The following OSGEP variants were observed in gnomAD, a reference collection of about 807,000 sequenced individuals.
The protein encoded by OSGEP is O-sialoglycoprotein endopeptidase, also known as tRNA N6-adenosine threonylcarbamoyltransferase.
In OSGEP, 39 loss-of-function variants were observed where a neutral mutation model predicts 44.1. The ratio of observed to expected loss-of-function variants is 0.88; its 90% CI spans 0.69 to 1.16. The LOEUF (loss-of-function observed/expected upper bound fraction) is 1.16, where lower values mean the gene tolerates loss of function less well. Ranked by LOEUF, OSGEP falls within the 50% of genes most tolerant of loss-of-function variation. The pLI is 0.00. For synonymous variants in OSGEP, 139 were observed against 161.9 expected, an observed-to-expected ratio of 0.86 and a Z score of 1.07; for missense variants, 403 against 443.1, an observed-to-expected ratio of 0.91 and a Z score of 0.81.
intron 1 of OSGEP, among the ~76,000 whole-genome samples, chr14:20,453,732 C>A (rs1429879980): frequency 6.6e-6 from 1 of 152,146 alleles, no homozygotes; most frequent in Non-Finnish European, 1.5e-5. Context: ...ATTTTAAAAA[C>A]AAAGACCAGG....
intron 3 of OSGEP, 80 bp downstream of exon 3, chr14:20,451,894 C>T: frequency 7.9e-7 from 1 of 1,262,146 alleles, no homozygotes; most frequent in Non-Finnish European, 1.1e-6. Flanking sequence ...CCTGACATTC[C>T]CATGACTCAG....
rs1880964889 is a variant in OSGEP at position 20,447,048 on chromosome 14, T to A, written c.*192A>T. On this transcript the variant is annotated 3_prime_UTR_variant, in exon 11 of 11. Coordinates refer to ENST00000206542, the MANE Select transcript of OSGEP (RefSeq NM_017807.4). ...ATTGGTCCTGAACAACACAATCCAA[T>A]CACCAACATACAAAACCAAAAAACC... 3.4e-6 allele frequency: 2 copies of A among 591,614 alleles called. No individual in the cohort carries two copies. The highest frequency in any genetic ancestry group is 5.5e-5 in the East Asian group (2 of 36,642). The allele number at this position is 591,614 out of a possible 1,614,324, so 36.6% of individuals were successfully genotyped here.
At chr14:20,451,890 A>C in intron 3 of OSGEP, 84 bp downstream of exon 3, 1 of 1,235,958 alleles carries the variant, frequency 8.1e-7, no homozygotes, top group Non-Finnish European at 1.1e-6. Flanking sequence ...TGTTCCTGAC[A>C]TTCCCATGAC....
chr14:20,448,823 T>C lies in OSGEP; in HGVS notation c.558-12A>G. The C allele has an allele frequency of 6.2e-7, 1 of 1,609,432 alleles. No homozygotes were observed. Among genetic ancestry groups the C allele is most frequent in the Non-Finnish European group, 8.5e-7 (1 of 1,175,770 alleles). On this transcript the variant is annotated splice_polypyrimidine_tract_variant and intron_variant, in intron 5 of 10. Coordinates refer to ENST00000206542, the MANE Select transcript of OSGEP (RefSeq NM_017807.4). ...CTAGCTTCTTGCCTCTATGTGGGAATAAGCGTACGAGGCACTAAGCCTACA... is the reference window on the plus strand; with the variant it reads ...CTAGCTTCTTGCCTCTATGTGGGAACAAGCGTACGAGGCACTAAGCCTACA...
chr14:20,448,065 C>T, intron 7 of OSGEP, 41 bp downstream of exon 7: 2 of 1,595,984 alleles, frequency 1.3e-6, no homozygotes, highest in Non-Finnish European at 1.7e-6. Context: ...AATATAAAAC[C>T]TTCAGCCCCA....
Position 20,454,725 on chromosome 14 carries a change from G to C in OSGEP, c.-42C>G, listed in dbSNP as rs777008061. ...AAACGCCGACAGGACTCCTGGCAAT[G>C]TCAGGAGCTGTGGAGGTCCTCACTA... is the stretch of plus-strand genomic sequence containing the variant. On this transcript the variant is annotated 5_prime_UTR_variant, in exon 1 of 11. Transcript: ENST00000206542. 1.4e-6 allele frequency: 2 copies of C among 1,464,448 alleles called. No individual in the cohort carries two copies. The highest frequency in any genetic ancestry group is 1.7e-5 in the Admixed American group (1 of 58,226). 90.7% of individuals were successfully genotyped at this position (1,464,448 alleles called of 1,614,324 possible).
At chr14:20,453,334 T>G (rs1476107284) in intron 1 of OSGEP, among the ~76,000 whole-genome samples, 1 of 151,742 alleles carries the variant, frequency 6.6e-6, no homozygotes, top group Non-Finnish European at 1.5e-5. Context: ...AATAGCTTAT[T>G]TAAAATATCA....
In OSGEP at chr14:20,447,678, A is replaced by G; in HGVS notation, c.806T>C (p.Leu269Pro). 2 of 1,613,638 alleles carry G rather than the reference A, an allele frequency of 1.2e-6. No individual in the cohort carries two copies. The highest frequency in any genetic ancestry group is 1.7e-6 in the Non-Finnish European group (2 of 1,179,528). ...GCACATTGTTGCCATCATCTCCTGT[A>G]GCCTCACATTACCTACAAAGAGGCA... ...IVGGVGCNVR[L>P]QEMMATMCQE... The change falls in exon 9 of 11, where the codon CTA becomes CCA. Residue 269 changes from leucine to proline, a missense_variant. Coordinates refer to ENST00000206542, the MANE Select transcript of OSGEP (RefSeq NM_017807.4).
chr14:20,449,082 G>A (rs1401794363), intron 4 of OSGEP, 69 bp from the exon 5 acceptor site: 2 of 1,510,678 alleles, frequency 1.3e-6, no homozygotes, highest in African/African-American at 2.7e-5. Context: ...GGAAGCATAA[G>A]AAGCTCATTT....
rs751884553 is a variant in OSGEP, at chr14:20,447,924, A to G, written c.773T>C (p.Leu258Pro). 6.2e-7 allele frequency: 1 copy of G among 1,611,424 alleles called. No individual in the cohort carries two copies. Among genetic ancestry groups the G allele is most frequent in the Non-Finnish European group, 8.5e-7 (1 of 1,177,442 alleles). Reference protein sequence around the residue: ...AMAHCGSQEALIVGGVGCNVR... With the variant: ...AMAHCGSQEAPIVGGVGCNVR... ...CATACACCCCACTCCTCCCACAATG[A>G]GGGCCTCCTGGGAGCCACAATGTGC... Residue 258 changes from leucine (L) to proline (P), a missense_variant, in exon 8 of 11, where the codon CTC (leucine) becomes CCC (proline). Coordinates refer to ENST00000206542, the MANE Select transcript of OSGEP (RefSeq NM_017807.4).
rs780944919 is a variant in OSGEP at position 20,452,407 on chromosome 14, T to A, written c.157A>T (p.Ile53Phe). 9.3e-6 allele frequency: 15 copies of A among 1,613,898 alleles called. No homozygotes were observed. In the South Asian group the frequency reaches 1.6e-4, roughly 18 times the overall value. Reference protein sequence around the residue: ...GDTARHHRAVILDLLQEALTE... With the variant: ...GDTARHHRAVFLDLLQEALTE... Reference sequence around the variant, plus strand: ...AGTGCCTCCTGCAGCAGGTCTAGGATAACAGCTCGGTGATGCCTGGCTGTA... The same window carrying A: ...AGTGCCTCCTGCAGCAGGTCTAGGAAAACAGCTCGGTGATGCCTGGCTGTA... Residue 53 changes from isoleucine to phenylalanine, a missense_variant, in exon 2 of 11, where the codon ATC becomes TTC. Coordinates refer to ENST00000206542, the MANE Select transcript of OSGEP (RefSeq NM_017807.4).
At chr14:20,447,396 C>A (rs376269131) in intron 10 of OSGEP, 26 bp downstream of exon 10, 1 of 1,604,148 alleles carries the variant, frequency 6.2e-7, no homozygotes, top group Non-Finnish European at 8.5e-7. Flanking sequence ...CAATAATCTA[C>A]CCTCACCAAG....
Position 20,447,425 on chromosome 14 carries a change from T to C in OSGEP, c.965A>G (p.Gln322Arg). ...CACCAAGAGGTGAATCACTCACCTC[T>C]GTGTAACCCCAGAATCACTGAGTGG... ...RTPLSDSGVTQRYRTDEVEVT... is the reference protein window; with the variant it reads ...RTPLSDSGVTRRYRTDEVEVT... The change falls in exon 10 of 11, where the codon CAG (glutamine) becomes CGG (arginine). Residue 322 changes from glutamine (Q) to arginine (R), a missense_variant. Transcript: ENST00000206542. 2 of 1,613,664 alleles carry C rather than the reference T, an allele frequency of 1.2e-6. No homozygotes were observed. Among genetic ancestry groups the C allele is most frequent in the Non-Finnish European group, 1.7e-6 (2 of 1,179,524 alleles).
chr14:20,447,612 T>C lies in OSGEP; in HGVS notation c.869+3A>G. 2 of 1,613,708 alleles carry C rather than the reference T, an allele frequency of 1.2e-6. No individual in the cohort carries two copies. The highest frequency in any genetic ancestry group is 1.7e-6 in the Non-Finnish European group (2 of 1,179,590). On this transcript the variant is annotated splice_donor_region_variant and intron_variant, in intron 9 of 10. Coordinates refer to ENST00000206542, the MANE Select transcript of OSGEP (RefSeq NM_017807.4). ...AAAGAAACCAAAGGGAAAGTGTCTT[T>C]ACCTCTCATCTGTAGCAAAAAGCCG...
chr14:20,454,325 G>A lies in OSGEP; in HGVS notation c.115+244C>T, dbSNP rs36219437. ...TATTTATATGTCTGACTCCACAGCA[G>A]TATAACATCTATTTCTGAATACTTA... On this transcript the variant is annotated intron_variant, in intron 1 of 10. Transcript: ENST00000206542. 5.9e-5 allele frequency among the ~76,000 whole-genome samples: 9 copies of A among 152,304 alleles called. No homozygotes were observed. The East Asian group carries it at 1.5e-3, about 26-fold the overall frequency.
chr14:20,449,522 A>C, intron 3 of OSGEP: 1 of 420,070 alleles, frequency 2.4e-6, no homozygotes, highest in Non-Finnish European at 4.4e-6. Flanking sequence ...TTTCAAATAC[A>C]TTGGTTTTCC....
intron 3 of OSGEP, chr14:20,451,745 C>G: frequency 2.6e-6 from 1 of 388,890 alleles, no homozygotes; most frequent in Admixed American, 4.3e-5. Context: ...AATTCCTAAT[C>G]TTTATAATCA....
intron 4 of OSGEP, 43 bp from the exon 5 acceptor site, chr14:20,449,056 T>C: frequency 1.3e-6 from 2 of 1,557,474 alleles, no homozygotes; most frequent in South Asian, 1.1e-5. Context: ...TGGAAGAGGA[T>C]GAAATCAGAT....
chr14:20,447,753 C>T, intron 8 of OSGEP, 63 bp from the exon 9 acceptor site: 4 of 1,379,198 alleles, frequency 2.9e-6, no homozygotes, highest in Non-Finnish European at 4.1e-6. Flanking sequence ...TCCAGCAGAA[C>T]ACGTCATGTG....
Sources: allele counts gnomAD v4.1 joint callset (sites outside exome capture counted in the v4.1 genomes callset), GRCh38; gene constraint gnomAD v4.1.1; transcripts MANE v1.5; gene names NCBI Gene and HGNC (gene_info 2026-07-23, HGNC 2026-07-21).